The following CDH18 variants were observed in gnomAD, a reference collection of about 807,000 sequenced individuals.
CDH18 encodes cadherin 18.
Under a neutral mutation model 67.9 loss-of-function variants are expected in CDH18, and 31 were observed. That is an observed-to-expected ratio of 0.46 (90% CI 0.34 to 0.62). The LOEUF is 0.62. Among genes scored for constraint, CDH18 ranks in the 20% least tolerant of loss-of-function variants. CDH18 has a pLI of 0.01. For missense variants in CDH18, 890 were observed against 975.5 expected, an observed-to-expected ratio of 0.91 and a Z score of 1.17; for synonymous variants, 362 against 347.2, an observed-to-expected ratio of 1.04 and a Z score of -0.48.
chr5:19,789,250 C>A (rs1776122070), intron 3 of CDH18, among the ~76,000 whole-genome samples: 2 of 152,224 alleles, frequency 1.3e-5, no homozygotes, highest in South Asian at 2.1e-4. Context: ...AGTTACTTAA[C>A]CTTACTGGGC....
intron 5 of CDH18, among the ~76,000 whole-genome samples, chr5:19,718,251 A>C (rs753938055): frequency 2.0e-5 from 3 of 152,090 alleles, no homozygotes; most frequent in Non-Finnish European, 2.9e-5. Flanking sequence ...CCACATTTTG[A>C]GGGGTCAGAA....
chr5:19,551,428 C>G (rs1349981756), intron 8 of CDH18, among the ~76,000 whole-genome samples: 1 of 152,078 alleles, frequency 6.6e-6, no homozygotes, highest in Non-Finnish European at 1.5e-5. Context: ...AGGTTTGAAA[C>G]CAAGCAAACC....
At chr5:19,617,100 T>G (rs1283555203) in intron 5 of CDH18, among the ~76,000 whole-genome samples, 1 of 152,160 alleles carries the variant, frequency 6.6e-6, no homozygotes, top group Non-Finnish European at 1.5e-5. Context: ...TGCAAGTGGT[T>G]CAAGACCATA....
intron 2 of CDH18, among the ~76,000 whole-genome samples, chr5:20,063,708 C>T (rs1457899746): frequency 6.6e-6 from 1 of 152,154 alleles, no homozygotes; most frequent in East Asian, 1.9e-4. Flanking sequence ...TGAGGCCATA[C>T]ACTAAACAAG....
chr5:20,232,302 T>G (rs544163205), intron 2 of CDH18, among the ~76,000 whole-genome samples: 3 of 152,262 alleles, frequency 2.0e-5, no homozygotes, highest in Admixed American at 2.0e-4. Flanking sequence ...CATTACCTTA[T>G]GAACTTAAAT....
intron 5 of CDH18, among the ~76,000 whole-genome samples, chr5:19,644,486 G>C (rs1311263024): frequency 6.6e-6 from 1 of 152,140 alleles, no homozygotes; most frequent in Non-Finnish European, 1.5e-5. Context: ...TGAAAGCCTA[G>C]AGCTAGCAAA....
At chr5:20,406,288 A>T (rs567972255) in intron 1 of CDH18, among the ~76,000 whole-genome samples, 2 of 152,302 alleles carry the variant, frequency 1.3e-5, no homozygotes, top group South Asian at 4.1e-4. Flanking sequence ...TTGTCGGGAC[A>T]TGGATGAAGC....
chr5:19,618,950 C>T (rs923361795), intron 5 of CDH18, among the ~76,000 whole-genome samples: 1 of 152,034 alleles, frequency 6.6e-6, no homozygotes, highest in African/African-American at 2.4e-5. Flanking sequence ...TCTTCAACTG[C>T]CTGATTATGG....
intron 9 of CDH18, among the ~76,000 whole-genome samples, chr5:19,527,621 C>T (rs1037557382): frequency 2.0e-5 from 3 of 151,512 alleles, no homozygotes; most frequent in African/African-American, 4.8e-5. Flanking sequence ...AATATTAAAC[C>T]AACTCTGTGT....
chr5:19,734,692 A>G (rs1044325355), intron 4 of CDH18, among the ~76,000 whole-genome samples: 4 of 152,038 alleles, frequency 2.6e-5, no homozygotes, highest in East Asian at 1.9e-4. Context: ...CATTTGATCT[A>G]TTTCCCAGTG....
At chr5:20,020,486 A>G (rs1738316090) in intron 2 of CDH18, among the ~76,000 whole-genome samples, 1 of 152,172 alleles carries the variant, frequency 6.6e-6, no homozygotes, top group South Asian at 2.1e-4. Flanking sequence ...GGCAGGGCTC[A>G]GGAACCAGCT....
chr5:19,613,256 C>T (rs913298786), intron 5 of CDH18, among the ~76,000 whole-genome samples: 5 of 152,116 alleles, frequency 3.3e-5, no homozygotes, highest in Non-Finnish European at 7.3e-5. Flanking sequence ...GAAGTTTCAA[C>T]TAAGGTGGTC....
In CDH18 at chr5:19,519,553, G is replaced by A. The variant is rs78223398; in HGVS notation, c.1512+1104C>T. On this transcript the variant is annotated intron_variant, in intron 10 of 12. Coordinates refer to ENST00000382275, the MANE Select transcript of CDH18 (RefSeq NM_004934.5). The stretch of plus-strand genomic sequence containing the variant: ...TTAAGGTGCTGCTCCTGGAATGCAC[G>A]CCTTCCTGTAATCCCTCTGCCTTCA... 2.1e-3 allele frequency among the ~76,000 whole-genome samples: 313 copies of A among 152,264 alleles called. 9 individuals are homozygous for A. In the East Asian group the frequency reaches 0.057, roughly 28 times the overall value.
chr5:19,666,233 GATTTTTATTATTATT>G lies in CDH18; in HGVS notation c.644-53647_644-53633del, dbSNP rs1212884460. 3.6e-3 allele frequency among the ~76,000 whole-genome samples: 442 copies of G among 122,278 alleles called. 2 individuals are homozygous for G. The highest frequency in any genetic ancestry group is 0.012 in the African/African-American group (431 of 34,978). The allele number at this position is 122,278 out of a possible 152,430, so 80.2% of individuals were successfully genotyped here. A position where few individuals can be genotyped will look rare whatever the true frequency, so the allele number is the denominator to read the frequency against. Reference sequence around the variant, plus strand: ...CACAGTCATGTCCCCACGCCTGTATGATTTTTATTATTATTATTATTATTATTATTATTATTATTA... The same window carrying G: ...CACAGTCATGTCCCCACGCCTGTATGATTATTATTATTATTATTATTATTA... On this transcript the variant is annotated intron_variant, in intron 5 of 12. Transcript: ENST00000382275.
chr5:19,984,963 A>C (rs1216645075), intron 1 of CDH18, among the ~76,000 whole-genome samples: 1 of 152,152 alleles, frequency 6.6e-6, no homozygotes, highest in Non-Finnish European at 1.5e-5. Context: ...CCTACAACCC[A>C]CACATATACA....
At chr5:19,847,840 CT>C (rs1298578365) in intron 2 of CDH18, among the ~76,000 whole-genome samples, 1 of 151,986 alleles carries the variant, frequency 6.6e-6, no homozygotes, top group Admixed American at 6.6e-5. Flanking sequence ...TCTGATTTCC[CT>C]TTTTTGAGAT....
intron 4 of CDH18, among the ~76,000 whole-genome samples, chr5:19,738,623 T>G (rs948151709): frequency 2.6e-5 from 4 of 152,210 alleles, no homozygotes; most frequent in Non-Finnish European, 5.9e-5. Flanking sequence ...TATCTTCTAG[T>G]TAAGTATTTT....
Position 19,473,319 on chromosome 5 carries a change from T to C in CDH18, c.2280A>G (p.Ser760=), listed in dbSNP as rs557328287. 7 of 1,613,922 alleles carry C rather than the reference T, an allele frequency of 4.3e-6. No individual in the cohort carries two copies. In the African/African-American group the frequency reaches 6.7e-5, roughly 15 times the overall value. Residue 760 remains serine (S), a synonymous_variant, in exon 13 of 13, where the codon TCA becomes TCG. Transcript: ENST00000382275. ...CTCCAAGGTAGTGATAATCCTGGTC[T>C]GATTGTGTCGTTGCTGAATCCAGCG... ...ISSLDSATTQ[S]DQDYHYLGDW...
chr5:20,419,360 T>C (rs12514159), intron 1 of CDH18, among the ~76,000 whole-genome samples: 58,298 of 151,278 alleles, frequency 0.39, 13,449 homozygotes, highest in Non-Finnish European at 0.52. Context: ...AACCCAACCA[T>C]GCTGGCTCCA....
Sources: gnomAD v4.1 joint callset for allele counts (sites outside exome capture counted in the v4.1 genomes callset) on GRCh38, gnomAD v4.1.1 for gene constraint, MANE v1.5 for transcripts, NCBI Gene and HGNC (gene_info 2026-07-23, HGNC 2026-07-21) for gene names.